FOXP2: variants seen among roughly 807,000 people sequenced by gnomAD.
FOXP2 encodes the protein forkhead box protein P2.
A neutral mutation model predicts 115.8 loss-of-function variants in FOXP2; 12 were observed. That is an observed-to-expected ratio of 0.10 (90% CI 0.07 to 0.17). The LOEUF (loss-of-function observed/expected upper bound fraction) is 0.17. Among genes scored for constraint, FOXP2 ranks in the 10% least tolerant of loss-of-function variants. FOXP2 has a pLI of 1.00. For synonymous variants in FOXP2, 328 were observed against 297.7 expected (o/e 1.10, Z -1.05); for missense variants, 629 against 843.5 (o/e 0.75, Z 3.15).
intron 13 of FOXP2, chr7:114,661,856 G>T: frequency 1.8e-6 from 1 of 547,418 alleles, no homozygotes; most frequent in Non-Finnish European, 3.2e-6. Context: ...AAAATAGCTT[G>T]GAAGGTTCTC....
intron 1 of FOXP2, among the ~76,000 whole-genome samples, chr7:114,420,283 G>T (rs1793560184): frequency 6.6e-6 from 1 of 151,934 alleles, no homozygotes; most frequent in African/African-American, 2.4e-5. Flanking sequence ...TGGACCCACT[G>T]CATGGAAGCT....
At chr7:114,540,369 T>C (rs572468961) in intron 3 of FOXP2, among the ~76,000 whole-genome samples, 2 of 152,146 alleles carry the variant, frequency 1.3e-5, no homozygotes, top group East Asian at 3.9e-4. Context: ...CAGTGCTTGG[T>C]GAATAATAGA....
chr7:114,638,151 A>G (rs914534290), intron 6 of FOXP2, among the ~76,000 whole-genome samples: 8 of 152,188 alleles, frequency 5.3e-5, no homozygotes, highest in South Asian at 4.1e-4. Flanking sequence ...TGGGAGGGGT[A>G]TGGGATGGGA....
At chr7:114,641,563 A>G (rs1805529155) in intron 6 of FOXP2, among the ~76,000 whole-genome samples, 1 of 152,088 alleles carries the variant, frequency 6.6e-6, no homozygotes, top group East Asian at 1.9e-4. Flanking sequence ...AGAAATATCA[A>G]AATGAACAGA....
chr7:114,555,470 T>C (rs1313766802), intron 3 of FOXP2, among the ~76,000 whole-genome samples: 1 of 152,206 alleles, frequency 6.6e-6, no homozygotes, highest in African/African-American at 2.4e-5. Context: ...GTCTTCATTT[T>C]ATGAAACCCA....
chr7:114,143,084 G>C (rs993524487), intron 1 of FOXP2, among the ~76,000 whole-genome samples: 2 of 151,176 alleles, frequency 1.3e-5, no homozygotes, highest in Non-Finnish European at 2.9e-5. Context: ...GGAGGTGAAG[G>C]CTGCCATGAG....
intron 3 of FOXP2, among the ~76,000 whole-genome samples, chr7:114,536,404 T>C (rs975284875): frequency 1.7e-4 from 24 of 141,114 alleles, no homozygotes; most frequent in East Asian, 5.9e-4. Flanking sequence ...TTTCTTTTTT[T>C]TTTTTTTTTT....
At chr7:114,552,333 T>C (rs1029955441) in intron 3 of FOXP2, among the ~76,000 whole-genome samples, 3 of 152,216 alleles carry the variant, frequency 2.0e-5, no homozygotes, top group Non-Finnish European at 2.9e-5. Context: ...CACCATTTAC[T>C]GACTGTATGA....
At chr7:114,226,116 C>T (rs538546660) in intron 1 of FOXP2, among the ~76,000 whole-genome samples, 1 of 152,268 alleles carries the variant, frequency 6.6e-6, no homozygotes, top group South Asian at 2.1e-4. Context: ...TTAAAAAGCT[C>T]AACTCATAAA....
At chr7:114,484,570 G>A (rs971838769) in intron 2 of FOXP2, among the ~76,000 whole-genome samples, 9 of 151,752 alleles carry the variant, frequency 5.9e-5, no homozygotes, top group East Asian at 3.8e-4. Context: ...CTTTCAGAGC[G>A]GTAATAATAA....
intron 2 of FOXP2, among the ~76,000 whole-genome samples, chr7:114,399,533 CACCT>C (rs931912474): frequency 2.6e-5 from 4 of 151,862 alleles, no homozygotes; most frequent in Non-Finnish European, 5.9e-5. Flanking sequence ...TTTTTTTACC[CACCT>C]GTTACTTTTT....
At chr7:114,268,853 T>C (rs933211217) in intron 1 of FOXP2, among the ~76,000 whole-genome samples, 5 of 152,178 alleles carry the variant, frequency 3.3e-5, no homozygotes, top group Admixed American at 6.6e-5. Flanking sequence ...GTTGAATCTA[T>C]ATTTTAAAGG....
At chr7:114,282,473 A>C (rs1390985486) in intron 1 of FOXP2, among the ~76,000 whole-genome samples, 1 of 152,178 alleles carries the variant, frequency 6.6e-6, no homozygotes, top group Non-Finnish European at 1.5e-5. Flanking sequence ...TTAAATTTTG[A>C]ACTAGGATTA....
At chr7:114,573,648 T>TCA (rs1347479576) in intron 3 of FOXP2, among the ~76,000 whole-genome samples, 2 of 151,670 alleles carry the variant, frequency 1.3e-5, no homozygotes, top group African/African-American at 4.8e-5. Flanking sequence ...TGATCAGCCT[T>TCA]CACACACACA....
intron 2 of FOXP2, among the ~76,000 whole-genome samples, chr7:114,322,854 A>T (rs564847085): frequency 7.4e-4 from 113 of 152,248 alleles, no homozygotes; most frequent in Non-Finnish European, 1.4e-3. Flanking sequence ...GTTGGTTGAT[A>T]TTTATGTGTG....
At chr7:114,325,653 C>G (rs910698638) in intron 2 of FOXP2, among the ~76,000 whole-genome samples, 1 of 151,734 alleles carries the variant, frequency 6.6e-6, no homozygotes, top group African/African-American at 2.4e-5. Flanking sequence ...TTATAATAAA[C>G]AATGGATCTA....
At chr7:114,343,439 A>G (rs1791262497) in intron 2 of FOXP2, among the ~76,000 whole-genome samples, 1 of 151,672 alleles carries the variant, frequency 6.6e-6, no homozygotes, top group African/African-American at 2.4e-5. Flanking sequence ...GGCAGGGAAT[A>G]AAGTGAATTG....
chr7:114,475,942 A>T (rs992250730), intron 2 of FOXP2, among the ~76,000 whole-genome samples: 1 of 151,978 alleles, frequency 6.6e-6, no homozygotes, highest in Non-Finnish European at 1.5e-5. Flanking sequence ...GCATCACACA[A>T]CCATGTAACA....
At chr7:114,436,375 G>A (rs907648080) in intron 2 of FOXP2, among the ~76,000 whole-genome samples, 4 of 150,750 alleles carry the variant, frequency 2.7e-5, no homozygotes, top group East Asian at 2.0e-4. Flanking sequence ...TCTATTCCCC[G>A]CTAGACAGTA....
Sources: gnomAD v4.1 joint callset for allele counts (sites outside exome capture counted in the v4.1 genomes callset) on GRCh38, gnomAD v4.1.1 for gene constraint, MANE v1.5 for transcripts, NCBI Gene and HGNC (gene_info 2026-07-23, HGNC 2026-07-21) for gene names.